The following MGAT5 variants were observed in gnomAD, a reference collection of about 807,000 sequenced individuals.
MGAT5 encodes alpha-1,6-mannosylglycoprotein 6-beta-N-acetylglucosaminyltransferase.
Under a neutral mutation model 94.3 loss-of-function variants are expected in MGAT5, and 30 were observed. The ratio of observed to expected loss-of-function variants is 0.32; its 90% CI spans 0.24 to 0.43. MGAT5 has a LOEUF of 0.43. Ranked by LOEUF, MGAT5 falls within the 20% of genes least tolerant of loss-of-function variation. The pLI is 1.00. For missense variants in MGAT5, 691 were observed against 905.5 expected (o/e 0.76, Z 3.04); for synonymous variants, 310 against 322.9 (o/e 0.96, Z 0.43).
chr2:134,217,150 G>A (rs1455627543), intron 1 of MGAT5, among the ~76,000 whole-genome samples: 1 of 151,858 alleles, frequency 6.6e-6, no homozygotes, highest in Non-Finnish European at 1.5e-5. Context: ...TGTGGTTTTT[G>A]GGTATGATTT....
chr2:134,432,080 A>G (rs1684913864), intron 14 of MGAT5, among the ~76,000 whole-genome samples: 1 of 152,196 alleles, frequency 6.6e-6, no homozygotes, highest in Non-Finnish European at 1.5e-5. Flanking sequence ...GTTGTTCCCT[A>G]TCCTCAGTAT....
chr2:134,282,946 C>A (rs1684787067), intron 2 of MGAT5, among the ~76,000 whole-genome samples: 1 of 151,512 alleles, frequency 6.6e-6, no homozygotes, highest in African/African-American at 2.4e-5. Flanking sequence ...CACTGTTGGG[C>A]CCTTTTAATT....
chr2:134,282,876 C>G (rs543879559), intron 2 of MGAT5, among the ~76,000 whole-genome samples: 2 of 152,160 alleles, frequency 1.3e-5, no homozygotes, highest in African/African-American at 4.8e-5. Context: ...CAGCTAGCTG[C>G]CAGCAGGATC....
chr2:134,404,847 A>G (rs192827870), intron 11 of MGAT5, among the ~76,000 whole-genome samples: 1 of 152,244 alleles, frequency 6.6e-6, no homozygotes, highest in East Asian at 1.9e-4. Context: ...AGTTTTCACT[A>G]TTTGCTTTCT....
upstream of MGAT5, chr2:134,120,169 C>T (rs1685496397): frequency 5.8e-6 from 1 of 171,828 alleles, no homozygotes; most frequent in Non-Finnish European, 1.2e-5. Context: ...GGCGGCGGCC[C>T]CGGGCGCGAT....
intron 7 of MGAT5, among the ~76,000 whole-genome samples, chr2:134,343,669 C>A (rs1032455742): frequency 5.9e-5 from 9 of 152,120 alleles, no homozygotes; most frequent in Non-Finnish European, 1.3e-4. Context: ...TGTGATGCCT[C>A]CAGGTAATTT....
chr2:134,273,963 C>T (rs1028572639), intron 2 of MGAT5, among the ~76,000 whole-genome samples: 2 of 152,258 alleles, frequency 1.3e-5, no homozygotes, highest in East Asian at 1.9e-4. Context: ...GAAGGGCCTT[C>T]GTCAAAATTC....
At chr2:134,343,052 A>G (rs1256477220) in intron 7 of MGAT5, among the ~76,000 whole-genome samples, 2 of 152,172 alleles carry the variant, frequency 1.3e-5, no homozygotes, top group African/African-American at 4.8e-5. Flanking sequence ...TCACATAACT[A>G]TTTATAGAAT....
At chr2:134,327,048 T>G (rs1456255387) in intron 4 of MGAT5, among the ~76,000 whole-genome samples, 15 of 152,260 alleles carry the variant, frequency 9.9e-5, no homozygotes, top group African/African-American at 3.4e-4. Flanking sequence ...ATGGGTTTAT[T>G]GAATGAATGG....
chr2:134,194,239 C>T (rs1679384909), intron 1 of MGAT5, among the ~76,000 whole-genome samples: 1 of 152,026 alleles, frequency 6.6e-6, no homozygotes. Flanking sequence ...CTATGTTGTG[C>T]CAACTTGGGG....
At chr2:134,413,100 T>C in intron 12 of MGAT5, 85 bp downstream of exon 12, 1 of 1,467,038 alleles carries the variant, frequency 6.8e-7, no homozygotes, top group South Asian at 1.2e-5. Flanking sequence ...TAACTTCATC[T>C]AACATGATTG....
intron 12 of MGAT5, among the ~76,000 whole-genome samples, chr2:134,419,169 C>T (rs1477120417): frequency 6.6e-6 from 1 of 152,170 alleles, no homozygotes; most frequent in Non-Finnish European, 1.5e-5. Context: ...CAACTGCATA[C>T]ATGTCTCTTT....
chr2:134,360,512 G>T (rs544022969), intron 9 of MGAT5, among the ~76,000 whole-genome samples: 1 of 151,920 alleles, frequency 6.6e-6, no homozygotes, highest in East Asian at 1.9e-4. Context: ...TCAAAGCATC[G>T]TGCTTTAATC....
chr2:134,395,991 C>A (rs1346151135), intron 10 of MGAT5, among the ~76,000 whole-genome samples: 1 of 152,170 alleles, frequency 6.6e-6, no homozygotes, highest in Non-Finnish European at 1.5e-5. Context: ...CTTTTTAGGG[C>A]CTGTGGGCCA....
chr2:134,383,129 T>TTAC (rs893404878), intron 10 of MGAT5, among the ~76,000 whole-genome samples: 25 of 152,352 alleles, frequency 1.6e-4, no homozygotes, highest in African/African-American at 5.8e-4. Context: ...ATTTTTACAC[T>TTAC]TACCTGACAT....
At chr2:134,390,707 A>T (rs1256212186) in intron 10 of MGAT5, among the ~76,000 whole-genome samples, 2 of 152,190 alleles carry the variant, frequency 1.3e-5, no homozygotes, top group Non-Finnish European at 2.9e-5. Context: ...GTCACATGAT[A>T]TGTATTCTGT....
chr2:134,406,497 CT>C (rs1683340644), intron 11 of MGAT5, among the ~76,000 whole-genome samples: 1 of 152,190 alleles, frequency 6.6e-6, no homozygotes, highest in Non-Finnish European at 1.5e-5. Flanking sequence ...GCAGTGCTCC[CT>C]CTGACTCATC....
At chr2:134,222,891 C>CT (rs542725976) in intron 1 of MGAT5, among the ~76,000 whole-genome samples, 71 of 152,242 alleles carry the variant, frequency 4.7e-4, no homozygotes, top group African/African-American at 1.5e-3. Context: ...TTATTTTTAA[C>CT]TTTTTTGTGT....
chr2:134,233,476 G>A (rs1256848594), intron 1 of MGAT5, among the ~76,000 whole-genome samples: 1 of 151,962 alleles, frequency 6.6e-6, no homozygotes, highest in African/African-American at 2.4e-5. Context: ...GCTGACACTT[G>A]GTGCATTTTT....
Sources: gnomAD v4.1 joint callset for allele counts (sites outside exome capture counted in the v4.1 genomes callset) on GRCh38, gnomAD v4.1.1 for gene constraint, MANE v1.5 for transcripts, NCBI Gene and HGNC (gene_info 2026-07-23, HGNC 2026-07-21) for gene names.